Variants in CSMD1 observed in about 807,000 individuals in gnomAD.
The protein encoded by CSMD1 is CUB and sushi domain-containing protein 1.
In CSMD1, 213 loss-of-function variants were observed where a neutral mutation model predicts 417.5. That is an observed-to-expected ratio of 0.51 (90% CI 0.46 to 0.57). The LOEUF is 0.57. CSMD1 is among the 20% of genes least tolerant of loss of function. CSMD1 has a pLI of 0.00. For synonymous variants in CSMD1, 2,862 were observed against 1,736.8 expected, an observed-to-expected ratio of 1.65 and a Z score of -16.11; for missense variants, 6,923 against 4,529.7, an observed-to-expected ratio of 1.53 and a Z score of -15.17.
At chr8:3,986,702 G>A (rs536063533) in intron 5 of CSMD1, among the ~76,000 whole-genome samples, 39 of 152,136 alleles carry the variant, frequency 2.6e-4, no homozygotes, top group African/African-American at 8.9e-4. Flanking sequence ...ATTTTACCAT[G>A]GAAAATTTAT....
intron 5 of CSMD1, among the ~76,000 whole-genome samples, chr8:3,940,227 G>A (rs1003716729): frequency 8.6e-5 from 13 of 151,934 alleles, no homozygotes; most frequent in African/African-American, 3.1e-4. Flanking sequence ...AAAAAACAGA[G>A]AAGTTAATTT....
intron 5 of CSMD1, among the ~76,000 whole-genome samples, chr8:3,933,192 T>A (rs1810271975): frequency 1.5e-5 from 2 of 135,802 alleles, no homozygotes; most frequent in Admixed American, 7.1e-5. Flanking sequence ...TGAATCTCCA[T>A]TTTTTCCAAA....
At chr8:3,722,865 G>A (rs752350915) in intron 6 of CSMD1, among the ~76,000 whole-genome samples, 2 of 152,086 alleles carry the variant, frequency 1.3e-5, no homozygotes, top group African/African-American at 4.8e-5. Flanking sequence ...GGATGAACTA[G>A]CTGCTTTTTC....
At chr8:3,262,451 A>T (rs1244507086) in intron 26 of CSMD1, among the ~76,000 whole-genome samples, 8 of 151,630 alleles carry the variant, frequency 5.3e-5, no homozygotes, top group Admixed American at 5.3e-4. Flanking sequence ...ATAATAATAA[A>T]TACTAAACCA....
intron 46 of CSMD1, among the ~76,000 whole-genome samples, chr8:3,105,266 C>T (rs189858386): frequency 2.1e-4 from 32 of 152,240 alleles, no homozygotes; most frequent in East Asian, 1.5e-3. Flanking sequence ...ACTCTGGCTC[C>T]GGGTCCTGTC....
intron 26 of CSMD1, among the ~76,000 whole-genome samples, chr8:3,262,418 G>C (rs1000981240): frequency 3.3e-5 from 5 of 150,992 alleles, no homozygotes; most frequent in African/African-American, 4.9e-5. Flanking sequence ...CCCATTGCTG[G>C]GGATAATGAC....
At chr8:4,855,947 C>A (rs901173784) in intron 1 of CSMD1, among the ~76,000 whole-genome samples, 10 of 149,942 alleles carry the variant, frequency 6.7e-5, no homozygotes, top group Non-Finnish European at 1.0e-4. Flanking sequence ...AGAGCAACTC[C>A]AAGACACATA....
At chr8:4,090,144 G>T (rs990203812) in intron 3 of CSMD1, among the ~76,000 whole-genome samples, 4 of 152,120 alleles carry the variant, frequency 2.6e-5, no homozygotes, top group East Asian at 1.9e-4. Flanking sequence ...ATAGAATACA[G>T]TCTTAATTGG....
chr8:3,395,706 T>C (rs1373490161), intron 17 of CSMD1, among the ~76,000 whole-genome samples: 1 of 152,162 alleles, frequency 6.6e-6, no homozygotes, highest in Non-Finnish European at 1.5e-5. Flanking sequence ...TTTAGCAGGT[T>C]TTAATTCCTT....
intron 2 of CSMD1, among the ~76,000 whole-genome samples, chr8:4,550,401 A>G (rs960861576): frequency 1.3e-5 from 2 of 151,650 alleles, no homozygotes; most frequent in African/African-American, 4.8e-5. Context: ...GAACATCACC[A>G]CTAGCTTAGA....
chr8:3,642,658 G>T (rs772536276), intron 7 of CSMD1, among the ~76,000 whole-genome samples: 24 of 152,250 alleles, frequency 1.6e-4, no homozygotes, highest in African/African-American at 3.9e-4. Flanking sequence ...TCGATGGAGA[G>T]ATTTCACAAC....
At chr8:3,550,985 A>AC (rs1257757602) in intron 10 of CSMD1, among the ~76,000 whole-genome samples, 11 of 152,114 alleles carry the variant, frequency 7.2e-5, no homozygotes, top group South Asian at 6.2e-4. Context: ...GAACAGTCAG[A>AC]CCCCTTTCTC....
intron 30 of CSMD1, among the ~76,000 whole-genome samples, chr8:3,206,383 G>C (rs554340431): frequency 1.5e-5 from 2 of 137,716 alleles, no homozygotes; most frequent in East Asian, 4.5e-4. Flanking sequence ...ATGTCTGTGT[G>C]TGTGTATGTG....
At chr8:3,914,310 G>C (rs1008023025) in intron 5 of CSMD1, among the ~76,000 whole-genome samples, 1 of 151,878 alleles carries the variant, frequency 6.6e-6, no homozygotes, top group Admixed American at 6.5e-5. Context: ...TGGTTTTTAA[G>C]AACGAGGAAG....
intron 48 of CSMD1, among the ~76,000 whole-genome samples, chr8:3,088,824 C>G (rs568896261): frequency 2.2e-4 from 27 of 124,672 alleles, no homozygotes; most frequent in Non-Finnish European, 3.7e-4. Context: ...ATATCAATGG[C>G]TTGGAATCAC....
At chr8:3,030,154 G>A (rs1411463547) in intron 50 of CSMD1, among the ~76,000 whole-genome samples, 1 of 152,012 alleles carries the variant, frequency 6.6e-6, no homozygotes, top group Non-Finnish European at 1.5e-5. Context: ...AATTGTAATA[G>A]TGACAGCAAC....
At chr8:4,129,350 T>A (rs942425759) in intron 3 of CSMD1, among the ~76,000 whole-genome samples, 25 of 152,134 alleles carry the variant, frequency 1.6e-4, no homozygotes, top group African/African-American at 6.0e-4. Flanking sequence ...TGAACCTTCT[T>A]GAATGCATTC....
intron 2 of CSMD1, among the ~76,000 whole-genome samples, chr8:4,464,038 G>T (rs1037442507): frequency 1.3e-5 from 2 of 151,238 alleles, no homozygotes; most frequent in East Asian, 1.9e-4. Context: ...TTCAGTTTAC[G>T]AATTAAAAAA....
At chr8:3,652,505 G>A (rs755877907) in intron 7 of CSMD1, among the ~76,000 whole-genome samples, 38 of 152,198 alleles carry the variant, frequency 2.5e-4, no homozygotes, top group African/African-American at 8.0e-4. Context: ...TAAAGGAAGC[G>A]GATTAATGGA....
Sources: gnomAD v4.1 joint callset for allele counts (sites outside exome capture counted in the v4.1 genomes callset) on GRCh38, gnomAD v4.1.1 for gene constraint, MANE v1.5 for transcripts, NCBI Gene and HGNC (gene_info 2026-07-23, HGNC 2026-07-21) for gene names.